Variants in EXT1 observed in about 807,000 individuals in gnomAD.
The protein encoded by EXT1 is exostosin-1.
Under a neutral mutation model 82.5 loss-of-function variants are expected in EXT1, and 20 were observed. That is an observed-to-expected ratio of 0.24 (90% CI 0.17 to 0.35). The LOEUF is 0.35. Among genes scored for constraint, EXT1 ranks in the 10% least tolerant of loss-of-function variants. The pLI, the probability that EXT1 is intolerant of heterozygous loss-of-function variation, is 1.00. For synonymous variants in EXT1, 348 were observed against 350.8 expected (o/e 0.99, Z 0.09); for missense variants, 757 against 936.5 (o/e 0.81, Z 2.50).
chr8:117,863,863 T>A (rs1461530134), intron 1 of EXT1, among the ~76,000 whole-genome samples: 1 of 152,146 alleles, frequency 6.6e-6, no homozygotes, highest in African/African-American at 2.4e-5. Flanking sequence ...TATATATGCA[T>A]ATGAGGAGCT....
At chr8:118,099,235 G>A (rs955920019) in intron 1 of EXT1, among the ~76,000 whole-genome samples, 19 of 152,136 alleles carry the variant, frequency 1.2e-4, no homozygotes, top group African/African-American at 4.3e-4. Context: ...TTGGGCATTG[G>A]GCCAGCTGTT....
intron 1 of EXT1, among the ~76,000 whole-genome samples, chr8:117,934,453 C>T (rs181146425): frequency 2.0e-5 from 3 of 152,294 alleles, no homozygotes; most frequent in East Asian, 3.9e-4. Flanking sequence ...CCAGGGCTTC[C>T]GAGCAGACCA....
intron 1 of EXT1, among the ~76,000 whole-genome samples, chr8:117,855,279 T>C (rs1403248928): frequency 6.6e-6 from 1 of 152,238 alleles, no homozygotes; most frequent in Non-Finnish European, 1.5e-5. Context: ...TTTTTGTTTT[T>C]AACAAATTGA....
At chr8:118,057,722 C>G (rs1283693974) in intron 1 of EXT1, among the ~76,000 whole-genome samples, 1 of 151,562 alleles carries the variant, frequency 6.6e-6, no homozygotes, top group Non-Finnish European at 1.5e-5. Context: ...GCCTGTAATC[C>G]CAGCACTTTG....
At chr8:117,910,647 T>C (rs1195733022) in intron 1 of EXT1, among the ~76,000 whole-genome samples, 1 of 152,226 alleles carries the variant, frequency 6.6e-6, no homozygotes, top group Non-Finnish European at 1.5e-5. Flanking sequence ...GAATCAATTA[T>C]ATGTGAGCCT....
rs767654166 is a variant in EXT1 at position 117,807,210 on chromosome 8, TC to T, written c.1883+6del. Reference sequence around the variant, plus strand: ...AAGTCTGTAAGAGACATGTCCAGATTCCTCACTTGTGGTAAATAGCAGCTCC... The same window carrying T: ...AAGTCTGTAAGAGACATGTCCAGATTCTCACTTGTGGTAAATAGCAGCTCC... On this transcript the variant is annotated splice_donor_region_variant and intron_variant, in intron 9 of 10. Transcript: ENST00000378204. 1.4e-5 allele frequency: 23 copies of T among 1,614,060 alleles called. No homozygotes were observed. The highest frequency in any genetic ancestry group is 1.9e-5 in the Non-Finnish European group (23 of 1,180,020).
At chr8:117,914,756 T>TTCTCTACTC (rs1277988717) in intron 1 of EXT1, among the ~76,000 whole-genome samples, 1 of 152,174 alleles carries the variant, frequency 6.6e-6, no homozygotes, top group Non-Finnish European at 1.5e-5. Flanking sequence ...GTCAGACCGG[T>TTCTCTACTC]TCTCTACTCT....
At chr8:117,874,699 C>G (rs936454885) in intron 1 of EXT1, among the ~76,000 whole-genome samples, 7 of 151,986 alleles carry the variant, frequency 4.6e-5, no homozygotes, top group African/African-American at 1.7e-4. Context: ...AAAATCTAGG[C>G]AGCATACTAC....
intron 1 of EXT1, among the ~76,000 whole-genome samples, chr8:118,030,899 A>G (rs1214310093): frequency 6.6e-6 from 1 of 152,208 alleles, no homozygotes. Flanking sequence ...AAGAAACAAA[A>G]AGGGATACTT....
At chr8:117,970,304 A>AT (rs35409811) in intron 1 of EXT1, among the ~76,000 whole-genome samples, 1,916 of 136,552 alleles carry the variant, frequency 0.014, 16 homozygotes, top group East Asian at 0.059. Flanking sequence ...AGGAATCTAC[A>AT]TTTTTTTTTT....
At chr8:117,894,001 T>C (rs1180103809) in intron 1 of EXT1, among the ~76,000 whole-genome samples, 1 of 152,146 alleles carries the variant, frequency 6.6e-6, no homozygotes. Flanking sequence ...AGCAAGAATC[T>C]TCCTTACTTC....
At chr8:117,985,644 C>T (rs1339413746) in intron 1 of EXT1, among the ~76,000 whole-genome samples, 1 of 150,892 alleles carries the variant, frequency 6.6e-6, no homozygotes. Flanking sequence ...ATTAGAGAAA[C>T]CTCAACAAAA....
At chr8:117,951,606 A>G (rs1356655443) in intron 1 of EXT1, among the ~76,000 whole-genome samples, 1 of 152,246 alleles carries the variant, frequency 6.6e-6, no homozygotes, top group African/African-American at 2.4e-5. Flanking sequence ...TGACTGTGAT[A>G]GAGACATAGA....
intron 1 of EXT1, among the ~76,000 whole-genome samples, chr8:118,021,781 T>C (rs1250148489): frequency 1.3e-5 from 2 of 152,222 alleles, no homozygotes; most frequent in Non-Finnish European, 2.9e-5. Context: ...ACACAGGTTC[T>C]TCGGGAAAAT....
At chr8:117,987,117 C>G (rs1815338854) in intron 1 of EXT1, among the ~76,000 whole-genome samples, 1 of 152,162 alleles carries the variant, frequency 6.6e-6, no homozygotes, top group African/African-American at 2.4e-5. Flanking sequence ...CCACCTTAAG[C>G]TATCTCTGAG....
rs943748904 is a variant in EXT1, at chr8:117,795,361, G to A, written c.*4351C>T. The A allele has an allele frequency of 6.6e-6, 1 of 152,162 alleles. No homozygotes were observed. Among genetic ancestry groups the A allele is most frequent in the Non-Finnish European group, 1.5e-5 (1 of 68,036 alleles). The allele number at this position is 152,162 out of a possible 1,614,324, so 9.4% of individuals were successfully genotyped here. A position where few individuals can be genotyped will look rare whatever the true frequency, so the allele number is the denominator to read the frequency against. Reference sequence around the variant, plus strand: ...GGGCAAAAAGGGGAGAGATGGTTTTGAGGAGTCAAATCCATCATCACAATT... The same window carrying A: ...GGGCAAAAAGGGGAGAGATGGTTTTAAGGAGTCAAATCCATCATCACAATT... On this transcript the variant is annotated 3_prime_UTR_variant, in exon 11 of 11. Coordinates refer to ENST00000378204, the MANE Select transcript of EXT1 (RefSeq NM_000127.3).
intron 3 of EXT1, 108 bp downstream of exon 3, chr8:117,835,336 A>T: frequency 2.5e-6 from 2 of 809,664 alleles, no homozygotes; most frequent in Non-Finnish European, 4.3e-6. Context: ...TTTTCTCCTG[A>T]TAAGATTTCT....
intron 1 of EXT1, among the ~76,000 whole-genome samples, chr8:117,868,841 G>C (rs1488046758): frequency 6.6e-6 from 1 of 152,076 alleles, no homozygotes; most frequent in African/African-American, 2.4e-5. Flanking sequence ...ATATGTCACG[G>C]AACAAATGTT....
chr8:118,033,821 T>C (rs937637168), intron 1 of EXT1, among the ~76,000 whole-genome samples: 1 of 152,208 alleles, frequency 6.6e-6, no homozygotes, highest in African/African-American at 2.4e-5. Flanking sequence ...GATATGATTA[T>C]CTTCTAAGTC....
Sources: gnomAD v4.1 joint callset for allele counts (sites outside exome capture counted in the v4.1 genomes callset) on GRCh38, gnomAD v4.1.1 for gene constraint, MANE v1.5 for transcripts, NCBI Gene and HGNC (gene_info 2026-07-23, HGNC 2026-07-21) for gene names.